The following FNIP2 variants were observed in gnomAD, a reference collection of about 807,000 sequenced individuals.
FNIP2 encodes folliculin-interacting protein 2.
FNIP2 carries 32 observed loss-of-function variants against 108.7 expected under a neutral mutation model. The ratio of observed to expected loss-of-function variants is 0.29; its 90% confidence interval spans 0.22 to 0.40. FNIP2 has a LOEUF of 0.40. FNIP2 is among the 10% of genes least tolerant of loss of function. FNIP2 has a pLI of 1.00. For missense variants in FNIP2, 1,202 were observed against 1,381.6 expected, an observed-to-expected ratio of 0.87 and a Z score of 2.06; for synonymous variants, 480 against 496.7, an observed-to-expected ratio of 0.97 and a Z score of 0.45.
intron 1 of FNIP2, among the ~76,000 whole-genome samples, chr4:158,783,996 T>G (rs1215470882): frequency 6.6e-6 from 1 of 152,170 alleles, no homozygotes; most frequent in Non-Finnish European, 1.5e-5. Flanking sequence ...ACAAAAAGAA[T>G]AGACAAAATC....
chr4:158,884,260 C>T (rs2126755691), intron 14 of FNIP2, among the ~76,000 whole-genome samples: 1 of 152,236 alleles, frequency 6.6e-6, no homozygotes. Flanking sequence ...AAACTGTTCA[C>T]CACAGCTAGA....
intron 14 of FNIP2, among the ~76,000 whole-genome samples, chr4:158,883,505 G>T (rs1489200919): frequency 3.9e-5 from 6 of 152,262 alleles, no homozygotes; most frequent in East Asian, 3.9e-4. Flanking sequence ...CCTCCCAAAA[G>T]CCTGGGATTA....
At chr4:158,824,874 C>T (rs566041205) in intron 1 of FNIP2, among the ~76,000 whole-genome samples, 2 of 152,268 alleles carry the variant, frequency 1.3e-5, no homozygotes, top group South Asian at 4.1e-4. Flanking sequence ...TGTTTTGCTT[C>T]TTCAGGTCTG....
chr4:158,774,955 AG>A (rs1467470942), intron 1 of FNIP2, among the ~76,000 whole-genome samples: 8 of 152,196 alleles, frequency 5.3e-5, no homozygotes, highest in African/African-American at 1.9e-4. Flanking sequence ...AGATGGACGG[AG>A]GCATGTGGTC....
At chr4:158,807,552 A>G (rs1365767668) in intron 1 of FNIP2, among the ~76,000 whole-genome samples, 1 of 152,140 alleles carries the variant, frequency 6.6e-6, no homozygotes, top group East Asian at 1.9e-4. Context: ...TTTTTTTCTT[A>G]CAGAAATTTT....
At chr4:158,885,934 G>C (rs1782003594) in intron 14 of FNIP2, among the ~76,000 whole-genome samples, 2 of 152,216 alleles carry the variant, frequency 1.3e-5, no homozygotes, top group Admixed American at 1.3e-4. Flanking sequence ...GGAAGTTTAA[G>C]TTAAGCAGAA....
rs1261545921 is a variant in FNIP2 at position 158,866,218 on chromosome 4, A to ATTTTTT, written c.1466-1882_1466-1881insTTTTTT. 3.4e-3 allele frequency among the ~76,000 whole-genome samples: 42 copies of ATTTTTT among 12,370 alleles called. 3 individuals are homozygous for ATTTTTT. The highest frequency in any genetic ancestry group is 7.5e-3 in the African/African-American group (39 of 5,198). 8.1% of individuals were successfully genotyped at this position (12,370 alleles called of 152,430 possible). A position where few individuals can be genotyped will look rare whatever the true frequency, so the allele number is the denominator to read the frequency against. On this transcript the variant is annotated intron_variant, in intron 12 of 16. Coordinates refer to ENST00000264433, the MANE Select transcript of FNIP2 (RefSeq NM_020840.3). ...TTTGATTTGTTCCAATATTCTGGTT[A>ATTTTTT]TTCTTTTTTTTTTTTTTTGAGACAG...
intron 14 of FNIP2, among the ~76,000 whole-genome samples, chr4:158,887,840 A>G (rs1159428841): frequency 1.3e-5 from 2 of 151,960 alleles, no homozygotes; most frequent in Admixed American, 6.6e-5. Flanking sequence ...AGTTTTCTAG[A>G]TCTTAGAGTT....
chr4:158,875,076 G>A (rs1311627276), intron 14 of FNIP2, among the ~76,000 whole-genome samples: 2 of 148,988 alleles, frequency 1.3e-5, no homozygotes, highest in East Asian at 2.0e-4. Context: ...GCAATAGAGC[G>A]AGACTGTCTC....
intron 6 of FNIP2, chr4:158,834,372 G>C (rs1778677604): frequency 7.7e-6 from 1 of 130,602 alleles, no homozygotes; most frequent in South Asian, 2.4e-4. Context: ...GTTATTTACA[G>C]GTATAGTCAT....
Position 158,907,850 on chromosome 4 carries a change from TAA to T in FNIP2, c.*3307_*3308del, listed in dbSNP as rs1238233864. The T allele has an allele frequency of 1.3e-5, 2 of 152,230 alleles. No homozygotes were observed. Among genetic ancestry groups the T allele is most frequent in the African/African-American group, 4.8e-5 (2 of 41,472 alleles). 9.4% of individuals were successfully genotyped at this position (152,230 alleles called of 1,614,324 possible). A position where few individuals can be genotyped will look rare whatever the true frequency, so the allele number is the denominator to read the frequency against. ...AGTGAGATTGCAATATGCTTAAACT[TAA>T]GTGGTATTTCAAAAACGAGAAAATT... is the stretch of plus-strand genomic sequence containing the variant. On this transcript the variant is annotated 3_prime_UTR_variant, in exon 17 of 17. Transcript: ENST00000264433.
chr4:158,861,462 T>C lies in FNIP2; in HGVS notation c.1269T>C (p.Leu423=), dbSNP rs942174038. 1 of 1,614,042 alleles carries C rather than the reference T, an allele frequency of 6.2e-7. No homozygotes were observed. The highest frequency in any genetic ancestry group is 1.7e-5 in the Admixed American group (1 of 60,032). ...LCQRFLKEFT[L]LIEQINKNQF... ...AGCGCTTTCTCAAGGAGTTTACACT[T>C]CTGATAGAACAGATAAATAAAAACC... Residue 423 remains leucine, a synonymous_variant, in exon 11 of 17, where the codon CTT becomes CTC. Coordinates refer to ENST00000264433, the MANE Select transcript of FNIP2 (RefSeq NM_020840.3).
At chr4:158,772,795 C>G (rs1775738846) in intron 1 of FNIP2, among the ~76,000 whole-genome samples, 1 of 152,196 alleles carries the variant, frequency 6.6e-6, no homozygotes, top group African/African-American at 2.4e-5. Context: ...CACCCACGGT[C>G]TCACCTACTG....
At chr4:158,850,105 C>T (rs539258718) in intron 7 of FNIP2, among the ~76,000 whole-genome samples, 1 of 152,208 alleles carries the variant, frequency 6.6e-6, no homozygotes, top group African/African-American at 2.4e-5. Context: ...GAGCTCAGGT[C>T]GGGAAGTCAG....
At chr4:158,794,104 G>A (rs774702552) in intron 1 of FNIP2, among the ~76,000 whole-genome samples, 3 of 152,166 alleles carry the variant, frequency 2.0e-5, no homozygotes, top group Non-Finnish European at 4.4e-5. Context: ...TTGATAACAT[G>A]TTGAATTAAG....
chr4:158,839,772 G>A (rs1456113984), intron 7 of FNIP2, among the ~76,000 whole-genome samples: 1 of 152,132 alleles, frequency 6.6e-6, no homozygotes, highest in Admixed American at 6.5e-5. Context: ...AGGGGTTGGG[G>A]TGAGTATTTT....
intron 2 of FNIP2, among the ~76,000 whole-genome samples, chr4:158,826,434 AG>A (rs1403971677): frequency 6.6e-6 from 1 of 152,232 alleles, no homozygotes; most frequent in East Asian, 1.9e-4. Context: ...CATTCTGTCC[AG>A]TGTTTCTCAT....
chr4:158,815,760 T>C (rs1353877664), intron 1 of FNIP2, among the ~76,000 whole-genome samples: 1 of 152,222 alleles, frequency 6.6e-6, no homozygotes, highest in East Asian at 1.9e-4. Flanking sequence ...AACCCAGAGT[T>C]CTTTACCTCC....
intron 7 of FNIP2, among the ~76,000 whole-genome samples, chr4:158,837,531 G>A (rs1778877523): frequency 6.6e-6 from 1 of 152,198 alleles, no homozygotes; most frequent in South Asian, 2.1e-4. Context: ...ATGTTGTACA[G>A]GTTGAAATCT....
Sources: gnomAD v4.1 joint callset for allele counts (sites outside exome capture counted in the v4.1 genomes callset) on GRCh38, gnomAD v4.1.1 for gene constraint, MANE v1.5 for transcripts, NCBI Gene and HGNC (gene_info 2026-07-23, HGNC 2026-07-21) for gene names.